ABCB1: variants seen among roughly 807,000 people sequenced by gnomAD.
ABCB1 encodes the protein ATP-dependent translocase ABCB1.
ABCB1 carries 69 observed loss-of-function variants against 142.0 expected under a neutral mutation model. The observed-to-expected ratio is 0.49, with a 90% CI of 0.40 to 0.59. ABCB1 has a LOEUF of 0.59. Ranked by LOEUF, ABCB1 falls within the 20% of genes least tolerant of loss-of-function variation. ABCB1 has a pLI of 0.00. For missense variants in ABCB1, 1,326 were observed against 1,554.7 expected, an observed-to-expected ratio of 0.85 and a Z score of 2.47; for synonymous variants, 532 against 539.2, an observed-to-expected ratio of 0.99 and a Z score of 0.18.
At chr7:87,560,903 A>G (rs1817536791) in intron 8 of ABCB1, among the ~76,000 whole-genome samples, 1 of 152,206 alleles carries the variant, frequency 6.6e-6, no homozygotes, top group Non-Finnish European at 1.5e-5. Context: ...GCAGAAAGGA[A>G]AATGAACCAC....
intron 1 of ABCB1, among the ~76,000 whole-genome samples, chr7:87,664,753 G>C (rs1825061905): frequency 6.6e-6 from 1 of 152,052 alleles, no homozygotes. Flanking sequence ...AAATATATAA[G>C]TTTGTGTCAT....
intron 1 of ABCB1, among the ~76,000 whole-genome samples, chr7:87,674,403 G>A (rs535505085): frequency 2.1e-4 from 32 of 152,194 alleles, no homozygotes; most frequent in African/African-American, 5.8e-4. Flanking sequence ...CCTTCATGTC[G>A]GTGGCAGTGT....
chr7:87,674,281 C>G (rs1411235924), intron 1 of ABCB1, among the ~76,000 whole-genome samples: 1 of 152,148 alleles, frequency 6.6e-6, no homozygotes, highest in Non-Finnish European at 1.5e-5. Flanking sequence ...CATGCAGGTA[C>G]TTATGCAGTT....
intron 1 of ABCB1, among the ~76,000 whole-genome samples, chr7:87,701,880 A>G (rs1328625341): frequency 6.6e-6 from 1 of 152,138 alleles, no homozygotes; most frequent in Non-Finnish European, 1.5e-5. Flanking sequence ...GCGGTGGCTC[A>G]CGCCTGTAAT....
At chr7:87,598,462 C>T (rs1340264990) in intron 2 of ABCB1, among the ~76,000 whole-genome samples, 3 of 152,164 alleles carry the variant, frequency 2.0e-5, no homozygotes, top group Non-Finnish European at 2.9e-5. Context: ...GTGCTAACTG[C>T]AAAATCTTTA....
chr7:87,686,831 G>A (rs1018775916), intron 1 of ABCB1, among the ~76,000 whole-genome samples: 4 of 150,820 alleles, frequency 2.7e-5, no homozygotes, highest in African/African-American at 9.7e-5. Context: ...TGTAGTCCCA[G>A]CTACTTGGGA....
At chr7:87,513,657 C>A (rs912093905) in intron 25 of ABCB1, among the ~76,000 whole-genome samples, 2 of 152,144 alleles carry the variant, frequency 1.3e-5, no homozygotes, top group Non-Finnish European at 2.9e-5. Context: ...AATCACTGAT[C>A]GCAGCTTGTA....
At chr7:87,703,422 A>G (rs961387359) in intron 1 of ABCB1, among the ~76,000 whole-genome samples, 2 of 152,214 alleles carry the variant, frequency 1.3e-5, no homozygotes, top group Non-Finnish European at 2.9e-5. Context: ...GCTCCTTAAT[A>G]TGAAAGTACA....
At chr7:87,713,207 A>G (rs543172319) in exon 1 of ABCB1, 2 of 152,292 alleles carry the variant, frequency 1.3e-5, no homozygotes, top group Admixed American at 1.3e-4. Context: ...GGAGAATGAG[A>G]AATGATCTCT....
At chr7:87,672,859 T>C (rs1825971130) in intron 1 of ABCB1, among the ~76,000 whole-genome samples, 1 of 152,196 alleles carries the variant, frequency 6.6e-6, no homozygotes, top group Non-Finnish European at 1.5e-5. Context: ...CTTGCTTTTC[T>C]TCATTCTCCA....
In ABCB1 at chr7:87,549,963, G is replaced by T. The variant is rs1361374723; in HGVS notation, c.1442C>A (p.Ala481Asp). ...GCGAATGTTTTCAGCTATCGTGGTG[G>T]CAAACAATACAGGTTCCTGACTCAC... ...GVVSQEPVLF[A>D]TTIAENIRYG... Residue 481 changes from alanine (A) to aspartate (D), a missense_variant, in exon 13 of 28, where the codon GCC becomes GAC. Transcript: ENST00000622132. 6.2e-7 allele frequency: 1 copy of T among 1,614,182 alleles called. No individual in the cohort carries two copies.
intron 1 of ABCB1, among the ~76,000 whole-genome samples, chr7:87,619,824 A>G (rs1820162884): frequency 6.6e-6 from 1 of 151,890 alleles, no homozygotes; most frequent in Admixed American, 6.6e-5. Flanking sequence ...CATTAATGCC[A>G]TTGTCATTTT....
In ABCB1 at chr7:87,549,923, A is replaced by G. The variant is rs766287685; in HGVS notation, c.1482T>C (p.Asn494=). The G allele has an allele frequency of 6.2e-7, 1 of 1,614,120 alleles. No homozygotes were observed. Among genetic ancestry groups the G allele is most frequent in the Non-Finnish European group, 8.5e-7 (1 of 1,180,036 alleles). ...CTTTCTCAATCTCATCCATGGTGACATTTTCACGGCCATAGCGAATGTTTT... is the reference window on the plus strand; with the variant it reads ...CTTTCTCAATCTCATCCATGGTGACGTTTTCACGGCCATAGCGAATGTTTT... The part of the protein sequence containing the change: ...IAENIRYGRE[N]VTMDEIEKAV... The change falls in exon 13 of 28, where the codon AAT becomes AAC. Residue 494 remains asparagine, a synonymous_variant. Coordinates refer to ENST00000622132, the MANE Select transcript of ABCB1 (RefSeq NM_001348946.2).
chr7:87,616,919 T>A (rs1469579612), intron 1 of ABCB1, among the ~76,000 whole-genome samples: 2 of 152,170 alleles, frequency 1.3e-5, no homozygotes. Flanking sequence ...AATTGGTCTG[T>A]CTCTTCATCT....
At chr7:87,689,771 T>C (rs1170474256) in intron 1 of ABCB1, among the ~76,000 whole-genome samples, 2 of 152,146 alleles carry the variant, frequency 1.3e-5, no homozygotes, top group Admixed American at 1.3e-4. Flanking sequence ...TATGGTATTG[T>C]TACCTCTTTT....
At chr7:87,541,275 A>G in intron 18 of ABCB1, 82 bp downstream of exon 18, 2 of 976,370 alleles carry the variant, frequency 2.0e-6, no homozygotes, top group Admixed American at 1.9e-5. Flanking sequence ...TAAAAGGCCA[A>G]TTACACTGAT....
chr7:87,566,004 T>G (rs1393458146), intron 7 of ABCB1, 66 bp downstream of exon 7: 8 of 1,565,808 alleles, frequency 5.1e-6, no homozygotes, highest in Non-Finnish European at 7.0e-6. Context: ...AAAAGACCTT[T>G]CCGTAGGGTG....
At chr7:87,578,444 C>T (rs562884553) in intron 4 of ABCB1, among the ~76,000 whole-genome samples, 3 of 152,158 alleles carry the variant, frequency 2.0e-5, no homozygotes, top group East Asian at 3.9e-4. Context: ...TTTTCTATTT[C>T]TGTGAAGAAT....
intron 1 of ABCB1, among the ~76,000 whole-genome samples, 198 bp from the exon 2 acceptor site, chr7:87,600,388 G>A (rs1563070456): frequency 6.6e-6 from 1 of 152,220 alleles, no homozygotes; most frequent in East Asian, 1.9e-4. Flanking sequence ...CACGAAGGCA[G>A]AGTTGGGGGT....
Sources: allele counts gnomAD v4.1 joint callset (sites outside exome capture counted in the v4.1 genomes callset), GRCh38; gene constraint gnomAD v4.1.1; transcripts MANE v1.5; gene names NCBI Gene and HGNC (gene_info 2026-07-23, HGNC 2026-07-21).